CPHXL2: variants seen among roughly 807,000 people sequenced by gnomAD.
CPHXL2 encodes the protein cytoplasmic polyadenylated homeobox like 2, also known as cytoplasmic polyadenylated homeobox-like protein 2.
At chr16:75,666,430 G>GATT in the CPHXL2 span, among the ~76,000 whole-genome samples, 9 of 151,884 alleles carry the variant, frequency 5.9e-5, no homozygotes, top group African/African-American at 2.2e-4. Context: ...GACCAGCCTG[G>GATT]CCAATAAGTC....
At chr16:75,666,608 C>CAAA in the CPHXL2 span, among the ~76,000 whole-genome samples, 19 of 65,072 alleles carry the variant, frequency 2.9e-4, no homozygotes, top group African/African-American at 3.8e-4. Context: ...AACTCTATCT[C>CAAA]AAAAAAAAAA....
chr16:75,668,302 C>T, the CPHXL2 span, among the ~76,000 whole-genome samples: 3 of 150,320 alleles, frequency 2.0e-5, no homozygotes, highest in African/African-American at 7.4e-5. Context: ...GATCTCTGCT[C>T]GCTGCAGCCT....
the CPHXL2 span, chr16:75,661,057 C>G: frequency 2.5e-6 from 1 of 400,680 alleles, no homozygotes; most frequent in Non-Finnish European, 4.4e-6. Context: ...AGGGAGCAAC[C>G]AGGTCTTCTC....
the CPHXL2 span, among the ~76,000 whole-genome samples, chr16:75,675,908 G>A: frequency 2.6e-5 from 4 of 152,132 alleles, no homozygotes; most frequent in East Asian, 5.8e-4. Context: ...GTGAAACCCC[G>A]TCTCTACTAA....
the CPHXL2 span, among the ~76,000 whole-genome samples, chr16:75,676,531 AG>A: frequency 6.6e-6 from 1 of 152,138 alleles, no homozygotes; most frequent in African/African-American, 2.4e-5. Flanking sequence ...TATGTTGCCT[AG>A]GCTTGTCTCA....
chr16:75,661,962 C>G, the CPHXL2 span, among the ~76,000 whole-genome samples: 1 of 152,182 alleles, frequency 6.6e-6, no homozygotes, highest in Non-Finnish European at 1.5e-5. Flanking sequence ...CAATTCAATT[C>G]CAGCACTGCC....
the CPHXL2 span, among the ~76,000 whole-genome samples, chr16:75,674,201 A>G: frequency 4.6e-5 from 7 of 151,070 alleles, no homozygotes; most frequent in South Asian, 2.1e-4. Flanking sequence ...GTGAAACCCC[A>G]TCTCTACTAA....
chr16:75,664,940 A>T, the CPHXL2 span, among the ~76,000 whole-genome samples: 2 of 152,202 alleles, frequency 1.3e-5, no homozygotes, highest in South Asian at 4.1e-4. Context: ...TGGACTTCTC[A>T]GCCTCCCTAA....
At chr16:75,670,818 C>T in the CPHXL2 span, among the ~76,000 whole-genome samples, 1 of 152,148 alleles carries the variant, frequency 6.6e-6, no homozygotes, top group African/African-American at 2.4e-5. Flanking sequence ...TTTTTAATAG[C>T]CTTCAAGCCT....
At chr16:75,663,160 A>T in the CPHXL2 span, among the ~76,000 whole-genome samples, 10 of 152,166 alleles carry the variant, frequency 6.6e-5, no homozygotes, top group African/African-American at 1.9e-4. Flanking sequence ...ATCTAACAGG[A>T]ACCTCTCATT....
At chr16:75,671,508 C>T in the CPHXL2 span, among the ~76,000 whole-genome samples, 6 of 152,166 alleles carry the variant, frequency 3.9e-5, no homozygotes, top group Admixed American at 1.3e-4. Context: ...CATCTGTCTT[C>T]CCTTCACTTC....
chr16:75,675,355 TATA>T, the CPHXL2 span, among the ~76,000 whole-genome samples: 1,855 of 151,756 alleles, frequency 0.012, 24 homozygotes, highest in South Asian at 0.018. Flanking sequence ...TATGCAATAT[TATA>T]ATATTATATA....
At chr16:75,661,617 C>A in the CPHXL2 span, among the ~76,000 whole-genome samples, 3 of 151,846 alleles carry the variant, frequency 2.0e-5, no homozygotes, top group Non-Finnish European at 4.4e-5. Context: ...CCCAGCTGTC[C>A]CACCTAGACG....
the CPHXL2 span, chr16:75,669,247 T>C: frequency 5.1e-6 from 2 of 394,470 alleles, no homozygotes. Context: ...GCCCAGGAAG[T>C]TGAGGCTGCA....
the CPHXL2 span, chr16:75,669,577 G>A: frequency 5.0e-6 from 2 of 398,484 alleles, no homozygotes; most frequent in South Asian, 1.3e-4. Flanking sequence ...TATAAGTAGC[G>A]AGAAGAGCAT....
At chr16:75,673,090 A>T in the CPHXL2 span, among the ~76,000 whole-genome samples, 2 of 150,732 alleles carry the variant, frequency 1.3e-5, no homozygotes, top group Non-Finnish European at 3.0e-5. Context: ...AAAAAAAAAA[A>T]AAAAAAGACA....
the CPHXL2 span, among the ~76,000 whole-genome samples, chr16:75,664,231 T>A: frequency 3.3e-5 from 5 of 152,182 alleles, no homozygotes; most frequent in African/African-American, 4.8e-5. Flanking sequence ...CTTGGGCACA[T>A]ATCATCAGGA....
the CPHXL2 span, among the ~76,000 whole-genome samples, chr16:75,667,049 C>T: frequency 4.3e-4 from 65 of 152,102 alleles, 1 homozygote; most frequent in Non-Finnish European, 8.8e-4. Flanking sequence ...TGGTGGCTCA[C>T]ACCTGTAATC....
the CPHXL2 span, among the ~76,000 whole-genome samples, chr16:75,664,196 T>C: frequency 6.6e-6 from 1 of 152,326 alleles, no homozygotes; most frequent in Admixed American, 6.5e-5. Context: ...CTAAAATGTA[T>C]AAAACCAAGT....
Sources: allele counts gnomAD v4.1 joint callset (sites outside exome capture counted in the v4.1 genomes callset), GRCh38; gene constraint gnomAD v4.1.1; transcripts MANE v1.5; gene names NCBI Gene and HGNC (gene_info 2026-07-23, HGNC 2026-07-21).